The following RBFOX2 variants were observed in gnomAD, a reference collection of about 807,000 sequenced individuals.
RBFOX2 encodes RNA binding protein fox-1 homolog 2.
RBFOX2 carries 10 observed loss-of-function variants against 49.1 expected under a neutral mutation model. The observed-to-expected ratio is 0.20, with a 90% CI of 0.13 to 0.35. RBFOX2 has a LOEUF of 0.35. RBFOX2 is among the 10% of genes least tolerant of loss of function. RBFOX2 has a pLI of 1.00. For missense variants in RBFOX2, 323 were observed against 486.9 expected (o/e 0.66, Z 3.17); for synonymous variants, 183 against 187.4 (o/e 0.98, Z 0.19).
chr22:35,973,250 T>C (rs1440679870), intron 1 of RBFOX2, among the ~76,000 whole-genome samples: 1 of 152,240 alleles, frequency 6.6e-6, no homozygotes, highest in Non-Finnish European at 1.5e-5. Context: ...CTTTCTCTTA[T>C]TTTCTTCCGT....
chr22:35,943,830 G>A (rs972721292), upstream of RBFOX2, among the ~76,000 whole-genome samples: 19 of 152,168 alleles, frequency 1.2e-4, no homozygotes, highest in African/African-American at 3.9e-4. Flanking sequence ...GCATGAACCC[G>A]GGAGGCAGAG....
upstream of RBFOX2, among the ~76,000 whole-genome samples, chr22:35,843,956 T>C (rs2040842525): frequency 6.6e-6 from 1 of 152,224 alleles, no homozygotes. Flanking sequence ...ATTCTATCAC[T>C]TCAGTTACCA....
chr22:35,927,829 C>A (rs1317112812), intron 1 of RBFOX2, among the ~76,000 whole-genome samples: 2 of 152,132 alleles, frequency 1.3e-5, no homozygotes, highest in African/African-American at 4.8e-5. Context: ...TCATTTCCTT[C>A]ACAAAGACCT....
chr22:35,755,656 A>T (rs1319147323), intron 9 of RBFOX2, among the ~76,000 whole-genome samples: 1 of 152,228 alleles, frequency 6.6e-6, no homozygotes, highest in Non-Finnish European at 1.5e-5. Context: ...CACAGCTCTA[A>T]TGATCTAAAG....
At chr22:36,017,521 C>T (rs972641570) in intron 1 of RBFOX2, among the ~76,000 whole-genome samples, 3 of 152,008 alleles carry the variant, frequency 2.0e-5, no homozygotes, top group Non-Finnish European at 4.4e-5. Context: ...AGAGCAAAAA[C>T]TCGGTCTCAA....
intron 1 of RBFOX2, among the ~76,000 whole-genome samples, chr22:36,015,052 G>A (rs1025798172): frequency 1.3e-5 from 2 of 152,176 alleles, no homozygotes; most frequent in African/African-American, 4.8e-5. Flanking sequence ...TCTATAATGA[G>A]TAATGAACAG....
intron 1 of RBFOX2, among the ~76,000 whole-genome samples, chr22:35,931,258 G>A (rs2149680539): frequency 6.7e-6 from 1 of 149,222 alleles, no homozygotes; most frequent in Middle Eastern, 3.5e-3. Flanking sequence ...TAACAGGGGG[G>A]AAAAAAAGCA....
At chr22:36,001,525 T>C (rs140483947) in intron 1 of RBFOX2, among the ~76,000 whole-genome samples, 28 of 152,034 alleles carry the variant, frequency 1.8e-4, no homozygotes, top group African/African-American at 5.5e-4. Flanking sequence ...CTTTGAGAAG[T>C]TGAGGTGGGG....
chr22:35,875,635 T>G (rs2044969031), intron 1 of RBFOX2, among the ~76,000 whole-genome samples: 1 of 149,390 alleles, frequency 6.7e-6, no homozygotes, highest in African/African-American at 2.5e-5. Context: ...TGTGTGTGTG[T>G]GTGTGTGTGT....
intron 3 of RBFOX2, among the ~76,000 whole-genome samples, chr22:35,778,577 C>T (rs1158280007): frequency 6.6e-6 from 1 of 152,040 alleles, no homozygotes; most frequent in Admixed American, 6.6e-5. Context: ...CACAGCATTC[C>T]AGGCTTTCCC....
intron 1 of RBFOX2, among the ~76,000 whole-genome samples, chr22:35,932,484 C>A (rs1172614549): frequency 3.4e-4 from 51 of 152,112 alleles, no homozygotes; most frequent in Non-Finnish European, 2.9e-5. Context: ...TTGATGTTCC[C>A]ACTTGTTTCT....
At position 35,809,844 on chromosome 22, in the gene RBFOX2, C is replaced by T. The variant is rs182208321; in HGVS notation, c.188G>A (p.Gly63Glu). 22 of 1,614,022 alleles carry T rather than the reference C, an allele frequency of 1.4e-5. No homozygotes were observed. The East Asian group carries it at 4.9e-4, about 36-fold the overall frequency. ...CTGCTCCCCGTGGGCTTGCGTACTT[C>T]CGTAGAGTGTCAGGTTATGCTCACC... is the stretch of plus-strand genomic sequence containing the variant. The change falls in exon 2 of 12, where the codon GGA becomes GAA. Residue 63 changes from glycine to glutamate, a missense_variant. This residue lies in a region of RBFOX2 where 123 missense variants were observed against 116.9 expected (regional missense o/e 1.05). Coordinates refer to ENST00000405409, the Ensembl canonical transcript of RBFOX2.
intron 2 of RBFOX2, among the ~76,000 whole-genome samples, chr22:35,806,814 G>C (rs1031629842): frequency 6.6e-6 from 1 of 152,014 alleles, no homozygotes; most frequent in African/African-American, 2.4e-5. Flanking sequence ...CACTTTTTTC[G>C]GGGAGTGGGG....
chr22:35,877,568 C>T (rs1189041189), intron 1 of RBFOX2, among the ~76,000 whole-genome samples: 1 of 152,100 alleles, frequency 6.6e-6, no homozygotes, highest in East Asian at 1.9e-4. Flanking sequence ...TTACTATGCA[C>T]CAAGAACTGT....
chr22:35,978,122 C>T (rs560108885), intron 1 of RBFOX2, among the ~76,000 whole-genome samples: 2 of 152,108 alleles, frequency 1.3e-5, no homozygotes, highest in African/African-American at 4.8e-5. Context: ...CTACACTGAG[C>T]AAATAAGTAA....
In RBFOX2 at chr22:35,751,805, C is replaced by T. The variant is rs560219357; in HGVS notation, c.888-5244G>A. Among the ~76,000 whole-genome samples, 9 of 152,268 alleles carry T rather than the reference C, an allele frequency of 5.9e-5. No individual in the cohort carries two copies. The South Asian group carries it at 1.9e-3, about 32-fold the overall frequency. The stretch of plus-strand genomic sequence containing the variant: ...GGTTAAGGGAAAAAATTGCTATGAT[C>T]AACCTGATGTCTTCCACCTATTATT... On this transcript the variant is annotated intron_variant, in intron 9 of 11. Coordinates refer to ENST00000405409, the Ensembl canonical transcript of RBFOX2.
chr22:35,760,649 C>T (rs566773537), intron 8 of RBFOX2, among the ~76,000 whole-genome samples: 2 of 152,216 alleles, frequency 1.3e-5, no homozygotes, highest in South Asian at 4.2e-4. Flanking sequence ...TTTCTAGGGG[C>T]CTCATATCCT....
intron 6 of RBFOX2, among the ~76,000 whole-genome samples, chr22:35,763,778 T>C (rs1455786123): frequency 6.6e-6 from 1 of 152,162 alleles, no homozygotes; most frequent in Non-Finnish European, 1.5e-5. Flanking sequence ...CTGGGAGGGT[T>C]GAGTTTCAAT....
chr22:35,951,422 T>C (rs1158395039), intron 1 of RBFOX2, among the ~76,000 whole-genome samples: 1 of 151,710 alleles, frequency 6.6e-6, no homozygotes, highest in Non-Finnish European at 1.5e-5. Flanking sequence ...ATTCTGTATT[T>C]TTAGTAGAGA....
Sources: allele counts gnomAD v4.1 joint callset (sites outside exome capture counted in the v4.1 genomes callset), GRCh38; gene constraint gnomAD v4.1.1; regional missense constraint gnomAD v4.1.1; transcripts MANE v1.5; gene names NCBI Gene and HGNC (gene_info 2026-07-23, HGNC 2026-07-21).